The following PATJ variants were observed in gnomAD, a reference collection of about 807,000 sequenced individuals.
PATJ encodes PATJ crumbs cell polarity complex component.
Under a neutral mutation model 224.9 loss-of-function variants are expected in PATJ, and 190 were observed. The ratio of observed to expected loss-of-function variants is 0.84; its 90% CI spans 0.75 to 0.95. PATJ has a LOEUF of 0.95. PATJ is among the 40% of genes least tolerant of loss of function. The probability of loss-of-function intolerance (pLI) is 0.00; values close to 1 mark genes in which losing one functional copy is unlikely to be tolerated. For synonymous variants in PATJ, 769 were observed against 820.3 expected (o/e 0.94, Z 1.07); for missense variants, 2,121 against 2,270.3 (o/e 0.93, Z 1.34).
intron 33 of PATJ, chr1:62,100,369 C>T (rs1661996991): frequency 1.4e-6 from 1 of 718,330 alleles, no homozygotes; most frequent in Admixed American, 2.0e-5. Context: ...TGGTGAGGGC[C>T]TTCATGCTGC....
intron 33 of PATJ, among the ~76,000 whole-genome samples, chr1:62,097,871 A>G (rs562665074): frequency 6.6e-4 from 100 of 152,312 alleles, no homozygotes; most frequent in African/African-American, 2.3e-3. Flanking sequence ...ATTCTTAGGT[A>G]GGACCTAAAT....
At chr1:61,860,081 A>G (rs1664310250) in intron 18 of PATJ, among the ~76,000 whole-genome samples, 1 of 152,204 alleles carries the variant, frequency 6.6e-6, no homozygotes, top group Admixed American at 6.5e-5. Context: ...TTATATAGCT[A>G]TAGTATGTAT....
chr1:61,836,700 G>A (rs6656709), intron 17 of PATJ, among the ~76,000 whole-genome samples: 1,683 of 151,972 alleles, frequency 0.011, 26 homozygotes, highest in African/African-American at 0.039. Flanking sequence ...ATCCCTTGTT[G>A]TAATTAGGTA....
At chr1:62,075,085 C>T (rs1658077376) in intron 31 of PATJ, among the ~76,000 whole-genome samples, 1 of 152,242 alleles carries the variant, frequency 6.6e-6, no homozygotes, top group South Asian at 2.1e-4. Context: ...TATCATCTTA[C>T]ATTCTTCTTC....
chr1:61,773,992 T>C (rs950801820), intron 6 of PATJ, among the ~76,000 whole-genome samples: 4 of 151,206 alleles, frequency 2.6e-5, no homozygotes, highest in Non-Finnish European at 4.4e-5. Context: ...TGGTGGCAGG[T>C]ACCTGTAGTC....
At chr1:62,144,777 AATAT>A (rs1553280095) in intron 41 of PATJ, among the ~76,000 whole-genome samples, 22 of 119,100 alleles carry the variant, frequency 1.8e-4, no homozygotes, top group Middle Eastern at 3.8e-3. Flanking sequence ...AAAAAAAAAA[AATAT>A]ATATATATAT....
intron 1 of PATJ, among the ~76,000 whole-genome samples, chr1:61,753,513 CAT>C (rs1259933602): frequency 3.2e-5 from 2 of 62,966 alleles, no homozygotes; most frequent in Admixed American, 2.8e-4. Context: ...GATTCTATTA[CAT>C]ATTTTTTTTT....
chr1:62,155,230 C>T (rs1314527980), intron 43 of PATJ, among the ~76,000 whole-genome samples: 2 of 152,186 alleles, frequency 1.3e-5, no homozygotes, highest in African/African-American at 4.8e-5. Flanking sequence ...AGAATGTTTG[C>T]AGTCACCCGT....
intron 17 of PATJ, among the ~76,000 whole-genome samples, chr1:61,850,060 C>T (rs778400267): frequency 6.6e-6 from 1 of 152,142 alleles, no homozygotes; most frequent in African/African-American, 2.4e-5. Context: ...TTCTCTACTT[C>T]GTGTCTTTTC....
intron 18 of PATJ, among the ~76,000 whole-genome samples, chr1:61,857,771 C>T (rs933316407): frequency 6.6e-6 from 1 of 152,154 alleles, no homozygotes; most frequent in African/African-American, 2.4e-5. Flanking sequence ...AATGGGTCAC[C>T]TATGTAATTC....
Position 62,161,326 on chromosome 1 carries a change from G to C in PATJ, c.*272G>C. ...GTTTTGCATTTAATTTCAGTGTTCC[G>C]ATTTCTTTTTTTTTTTTTTTTTTTT... On this transcript the variant is annotated 3_prime_UTR_variant, in exon 44 of 44. Transcript: ENST00000642238. 4.7e-6 allele frequency: 1 copy of C among 214,900 alleles called. No homozygotes were observed. Among genetic ancestry groups the C allele is most frequent in the Non-Finnish European group, 8.5e-6 (1 of 118,276 alleles). 13.3% of individuals were successfully genotyped at this position (214,900 alleles called of 1,614,324 possible). A position where few individuals can be genotyped will look rare whatever the true frequency, so the allele number is the denominator to read the frequency against.
intron 33 of PATJ, among the ~76,000 whole-genome samples, chr1:62,107,838 A>T (rs1356865967): frequency 6.6e-6 from 1 of 152,158 alleles, no homozygotes; most frequent in Non-Finnish European, 1.5e-5. Flanking sequence ...TGTTGTCCTA[A>T]TTTTATGGCT....
intron 29 of PATJ, among the ~76,000 whole-genome samples, chr1:62,020,213 C>T (rs1006501623): frequency 1.3e-4 from 20 of 152,064 alleles, no homozygotes; most frequent in Non-Finnish European, 2.8e-4. Context: ...ATATATGTAG[C>T]ACTTAACAGT....
At chr1:61,873,821 C>T (rs1341899389) in intron 20 of PATJ, among the ~76,000 whole-genome samples, 1 of 152,172 alleles carries the variant, frequency 6.6e-6, no homozygotes, top group Non-Finnish European at 1.5e-5. Context: ...GACCCATGCA[C>T]TGGGGGGAAT....
chr1:62,137,260 A>AAGGAAAACAGTGGGGAAGGTGG (rs1553277581), intron 41 of PATJ, among the ~76,000 whole-genome samples: 5 of 151,290 alleles, frequency 3.3e-5, no homozygotes, highest in Admixed American at 3.3e-4. Flanking sequence ...TATCTTCTTA[A>AAGGAAAACAGTGGGGAAGGTGG]AGGAAAACAG....
chr1:61,759,554 C>T (rs1219790862), intron 1 of PATJ, among the ~76,000 whole-genome samples: 4 of 152,116 alleles, frequency 2.6e-5, no homozygotes, highest in South Asian at 2.1e-4. Flanking sequence ...GGATTATAGG[C>T]GTCTGCCACC....
At position 61,856,120 on chromosome 1, in the gene PATJ, G is replaced by A; in HGVS notation, c.2203G>A (p.Asp735Asn). The change falls in exon 18 of 44, where the codon GAC becomes AAC. Residue 735 changes from aspartate (D) to asparagine (N), a missense_variant. Asp to Asn is a conservative substitution (Grantham distance 23). Coordinates refer to ENST00000642238, the MANE Select transcript of PATJ (RefSeq NM_001350145.3). ...AERSGGLLPG[D>N]RLVSVNEYCL... Reference sequence around the variant, plus strand: ...AAGAAGTGGGGGACTATTACCTGGAGACCGCCTGGTCTCAGTCAATGAATA... The same window carrying A: ...AAGAAGTGGGGGACTATTACCTGGAAACCGCCTGGTCTCAGTCAATGAATA... The A allele has an allele frequency of 6.2e-7, 1 of 1,614,038 alleles. No individual in the cohort carries two copies. Among genetic ancestry groups the A allele is most frequent in the South Asian group, 1.1e-5 (1 of 91,076 alleles).
intron 29 of PATJ, among the ~76,000 whole-genome samples, chr1:62,036,881 AG>A (rs1553250056): frequency 4.9e-4 from 72 of 148,232 alleles, no homozygotes; most frequent in Admixed American, 1.0e-3. Context: ...CAAAAAAAAA[AG>A]AAGGAAGAAA....
In PATJ at chr1:62,156,657, T is replaced by C. The variant is rs373082217; in HGVS notation, c.5502+3176T>C. Among the ~76,000 whole-genome samples the C allele has an allele frequency of 1.5e-3, 234 of 152,144 alleles. 1 individual carries two copies. The highest frequency in any genetic ancestry group is 5.4e-3 in the African/African-American group (226 of 41,530). On this transcript the variant is annotated intron_variant, in intron 43 of 43. Transcript: ENST00000642238. ...GTGACTGGGCACAGTGGTTCACGCC[T>C]GTAATCCCAGCACCTTGGGAAGCTG...
Sources: gnomAD v4.1 joint callset for allele counts (sites outside exome capture counted in the v4.1 genomes callset) on GRCh38, gnomAD v4.1.1 for gene constraint, MANE v1.5 for transcripts, NCBI Gene and HGNC (gene_info 2026-07-23, HGNC 2026-07-21) for gene names.